PDE9A: variants seen among roughly 807,000 people sequenced by gnomAD.
PDE9A encodes high affinity cGMP-specific 3',5'-cyclic phosphodiesterase 9A.
In PDE9A, 60 loss-of-function variants were observed where a neutral mutation model predicts 87.4. The observed-to-expected ratio is 0.69, with a 90% confidence interval of 0.56 to 0.85. The LOEUF (loss-of-function observed/expected upper bound fraction) is 0.85, where lower values mean the gene tolerates loss of function less well. Among genes scored for constraint, PDE9A ranks in the 40% least tolerant of loss-of-function variants. The probability of loss-of-function intolerance (pLI) is 0.00; values close to 1 mark genes in which losing one functional copy is unlikely to be tolerated. For missense variants in PDE9A, 665 were observed against 779.0 expected, an observed-to-expected ratio of 0.85 and a Z score of 1.74; for synonymous variants, 272 against 279.4, an observed-to-expected ratio of 0.97 and a Z score of 0.27.
At chr21:42,765,672 C>T in intron 15 of PDE9A, 178 bp downstream of exon 15, 1 of 614,502 alleles carries the variant, frequency 1.6e-6, no homozygotes, top group Middle Eastern at 3.9e-4. Flanking sequence ...GCAGGGCCTC[C>T]CTCCTGATGG....
rs1040480764 is a variant in PDE9A at position 42,759,830 on chromosome 21, G to GGGTGTGTGAGTGTGT, written c.898-485_898-471dup. Reference sequence around the variant, plus strand: ...GTGTGCATGTGTGTGTGTGGATGTGGGGTGTGTGAGTGTGTGGTGTGTGAG... The same window carrying GGGTGTGTGAGTGTGT: ...GTGTGCATGTGTGTGTGTGGATGTGGGGTGTGTGAGTGTGTGGTGTGTGAGTGTGTGGTGTGTGAG... On this transcript the variant is annotated intron_variant, in intron 11 of 19. Coordinates refer to ENST00000291539, the MANE Select transcript of PDE9A (RefSeq NM_002606.3). The surrounding 1 kb of genome is among the most constrained non-coding windows in gnomAD (Gnocchi z 7.2). Among the ~76,000 whole-genome samples, 8 of 150,472 alleles carry GGGTGTGTGAGTGTGT rather than the reference G, an allele frequency of 5.3e-5. No individual in the cohort carries two copies. The highest frequency in any genetic ancestry group is 1.2e-4 in the Non-Finnish European group (8 of 67,450).
At chr21:42,708,537 T>C (rs1410939707) in intron 4 of PDE9A, among the ~76,000 whole-genome samples, 2 of 152,146 alleles carry the variant, frequency 1.3e-5, no homozygotes, top group Non-Finnish European at 2.9e-5. Flanking sequence ...GGGTGCAGTT[T>C]GATGAGTTTT....
intron 4 of PDE9A, among the ~76,000 whole-genome samples, chr21:42,717,925 T>G (rs368882656): frequency 7.4e-6 from 1 of 134,542 alleles, no homozygotes; most frequent in African/African-American, 2.9e-5. Flanking sequence ...TTGTTTGTTT[T>G]GTTTTGTTTT....
rs973715826 is a variant in PDE9A, at chr21:42,687,777, C to T, written c.141-140C>T. The T allele has an allele frequency of 2.2e-5, 15 of 671,910 alleles. No individual in the cohort carries two copies. In the East Asian group the frequency reaches 4.1e-4, roughly 18 times the overall value. 41.6% of individuals were successfully genotyped at this position (671,910 alleles called of 1,614,324 possible). On this transcript the variant is annotated intron_variant, in intron 2 of 19. Coordinates refer to ENST00000291539, the MANE Select transcript of PDE9A (RefSeq NM_002606.3). ...AATGCCCTGGGGACGGCCTCCCACC[C>T]TTCCCATCCCACCACACCTTGGTCA...
Position 42,690,359 on chromosome 21 carries a change from C to T in PDE9A, c.218+2365C>T, listed in dbSNP as rs147040347. On this transcript the variant is annotated intron_variant, in intron 3 of 19. Transcript: ENST00000291539. ...TAACCGGGTACAGGTGATGCGGAAA[C>T]GGATCTAGACAGCGATGTGGAAATG... Among the ~76,000 whole-genome samples the T allele has an allele frequency of 5.2e-3, 787 of 151,484 alleles. 3 individuals are homozygous for T. The highest frequency in any genetic ancestry group is 6.9e-3 in the Non-Finnish European group (468 of 67,772).
chr21:42,730,278 G>A (rs531506925), intron 4 of PDE9A, among the ~76,000 whole-genome samples: 3 of 152,198 alleles, frequency 2.0e-5, no homozygotes, highest in African/African-American at 4.8e-5. Context: ...ACATTTTTAC[G>A]CTTGTACCTT....
intron 8 of PDE9A, among the ~76,000 whole-genome samples, chr21:42,749,715 G>A (rs895405222): frequency 5.9e-5 from 9 of 152,340 alleles, no homozygotes; most frequent in African/African-American, 2.2e-4. Context: ...CGTGTGCTAT[G>A]GCCACACCCT....
rs58917556 is a variant in PDE9A at position 42,740,755 on chromosome 21, GGATAGATA to G, written c.569-2984_569-2977del. 6.1e-3 allele frequency among the ~76,000 whole-genome samples: 855 copies of G among 140,140 alleles called. 7 individuals are homozygous for G. Among genetic ancestry groups the G allele is most frequent in the African/African-American group, 0.014 (532 of 37,154 alleles). 91.9% of individuals were successfully genotyped at this position (140,140 alleles called of 152,430 possible). On this transcript the variant is annotated intron_variant, in intron 7 of 19. Coordinates refer to ENST00000291539, the MANE Select transcript of PDE9A (RefSeq NM_002606.3). ...AGATAGATAGATAGATAGATAAACA[GGATAGATA>G]GATAGATAGATAGATAGATAGATAG...
intron 10 of PDE9A, among the ~76,000 whole-genome samples, chr21:42,755,621 G>A (rs1021426571): frequency 6.6e-6 from 1 of 152,226 alleles, no homozygotes; most frequent in Non-Finnish European, 1.5e-5. Context: ...CAAGGGGTGA[G>A]AGGGAAAGCT....
chr21:42,773,321 A>C (rs976445780), intron 19 of PDE9A, among the ~76,000 whole-genome samples: 1 of 152,142 alleles, frequency 6.6e-6, no homozygotes, highest in Non-Finnish European at 1.5e-5. Flanking sequence ...AGTTAATAGA[A>C]AAACATCAAT....
rs879590545 is a variant in PDE9A at position 42,670,230 on chromosome 21, T to TCACAC, written c.70-15962_70-15961insCACAC. ...ACACTTACATTCACACACATACACT[T>TCACAC]ACATTCACACTCATACACATACATA... On this transcript the variant is annotated intron_variant, in intron 1 of 19. Transcript: ENST00000291539. Among the ~76,000 whole-genome samples, 231 of 74,200 alleles carry TCACAC rather than the reference T, an allele frequency of 3.1e-3. 1 individual carries two copies. The highest frequency in any genetic ancestry group is 0.013 in the South Asian group (39 of 2,904). The allele number at this position is 74,200 out of a possible 152,430, so 48.7% of individuals were successfully genotyped here. A position where few individuals can be genotyped will look rare whatever the true frequency, so the allele number is the denominator to read the frequency against.
chr21:42,760,230 G>T lies in PDE9A; in HGVS notation c.898-98G>T. On this transcript the variant is annotated intron_variant, in intron 11 of 19. Transcript: ENST00000291539. The surrounding 1 kb of genome is among the most constrained non-coding windows in gnomAD (Gnocchi z 5.2). ...CTCTGGTTGGGATGAGGGTTTGGCAGAGAATGTTCAAACCAGCGCACAGCC... is the reference window on the plus strand; with the variant it reads ...CTCTGGTTGGGATGAGGGTTTGGCATAGAATGTTCAAACCAGCGCACAGCC... The T allele has an allele frequency of 1.4e-6, 1 of 721,238 alleles. No individual in the cohort carries two copies. Among genetic ancestry groups the T allele is most frequent in the Non-Finnish European group, 2.5e-6 (1 of 402,586 alleles). The allele number at this position is 721,238 out of a possible 1,614,324, so 44.7% of individuals were successfully genotyped here. A position where few individuals can be genotyped will look rare whatever the true frequency, so the allele number is the denominator to read the frequency against.
chr21:42,679,905 A>G (rs3819902), intron 1 of PDE9A, among the ~76,000 whole-genome samples: 1 of 152,070 alleles, frequency 6.6e-6, no homozygotes, highest in African/African-American at 2.4e-5. Flanking sequence ...TTCTCACTGC[A>G]AGAAACAGAC....
At chr21:42,749,713 A>G (rs2054223801) in intron 8 of PDE9A, among the ~76,000 whole-genome samples, 1 of 152,256 alleles carries the variant, frequency 6.6e-6, no homozygotes, top group Non-Finnish European at 1.5e-5. Flanking sequence ...AACGTGTGCT[A>G]TGGCCACACC....
rs188328218 is a variant in PDE9A at position 42,731,207 on chromosome 21, C to T, written c.263-563C>T. Among the ~76,000 whole-genome samples the T allele has an allele frequency of 4.1e-3, 619 of 152,348 alleles. 2 individuals carry two copies. The highest frequency in any genetic ancestry group is 0.014 in the African/African-American group (589 of 41,588). ...TCCCGACCTCAGGTGATCTGCCTGC[C>T]TCGGCCTCCCAAAGTGCTGGGATTA... On this transcript the variant is annotated intron_variant, in intron 4 of 19. Transcript: ENST00000291539.
Position 42,653,801 on chromosome 21 carries a change from C to T in PDE9A, c.-14C>T, listed in dbSNP as rs1349652291. 6.5e-7 allele frequency: 1 copy of T among 1,532,426 alleles called. No individual in the cohort carries two copies. Among genetic ancestry groups the T allele is most frequent in the Non-Finnish European group, 8.8e-7 (1 of 1,139,528 alleles). 94.9% of individuals were successfully genotyped at this position (1,532,426 alleles called of 1,614,324 possible). On this transcript the variant is annotated 5_prime_UTR_variant, in exon 1 of 20. Coordinates refer to ENST00000291539, the MANE Select transcript of PDE9A (RefSeq NM_002606.3). ...AGTACAGTAAAAAGTCCGAGTGCAG[C>T]CGCCGGGCGCAGGATGGGATCCGGC... is the stretch of plus-strand genomic sequence containing the variant.
intron 1 of PDE9A, among the ~76,000 whole-genome samples, chr21:42,674,494 C>T (rs980174438): frequency 2.0e-5 from 3 of 151,814 alleles, no homozygotes; most frequent in Non-Finnish European, 4.4e-5. Flanking sequence ...GTGGGGGCTG[C>T]TCCTCCCCTC....
rs569203241 is a variant in PDE9A at position 42,759,832 on chromosome 21, G to T, written c.898-496G>T. 6.7e-4 allele frequency among the ~76,000 whole-genome samples: 102 copies of T among 151,350 alleles called. No individual in the cohort carries two copies. Among genetic ancestry groups the T allele is most frequent in the African/African-American group, 2.3e-3 (96 of 41,186 alleles). ...GTGCATGTGTGTGTGTGGATGTGGG[G>T]TGTGTGAGTGTGTGGTGTGTGAGTG... On this transcript the variant is annotated intron_variant, in intron 11 of 19. Coordinates refer to ENST00000291539, the MANE Select transcript of PDE9A (RefSeq NM_002606.3). This position sits in a 1 kb window ranked among gnomAD's most constrained non-coding sequence, Gnocchi z 7.2.
Position 42,739,207 on chromosome 21 carries a change from C to A in PDE9A, c.569-4569C>A, listed in dbSNP as rs2052821961. 6.6e-6 allele frequency among the ~76,000 whole-genome samples: 1 copy of A among 152,192 alleles called. No individual in the cohort carries two copies. Among genetic ancestry groups the A allele is most frequent in the African/African-American group, 2.4e-5 (1 of 41,450 alleles). On this transcript the variant is annotated intron_variant, in intron 7 of 19. Transcript: ENST00000291539. The surrounding 1 kb of genome is among the most constrained non-coding windows in gnomAD (Gnocchi z 4.1). ...TGTTCAGCGTTTGAAGGCAGAGGAG[C>A]GGGCCATGATGGGCAGAGCCGACGT...
Sources: gnomAD v4.1 joint callset for allele counts (sites outside exome capture counted in the v4.1 genomes callset) on GRCh38, gnomAD v4.1.1 for gene constraint, Gnocchi (gnomAD v3.1) non-coding constraint, MANE v1.5 for transcripts, NCBI Gene and HGNC (gene_info 2026-07-23, HGNC 2026-07-21) for gene names.